NOS3: variants seen among roughly 807,000 people sequenced by gnomAD.
NOS3 encodes nitric oxide synthase 3, also known as NOS type III.
Under a neutral mutation model 144.9 loss-of-function variants are expected in NOS3, and 98 were observed. That is an observed-to-expected ratio of 0.68 (90% CI 0.57 to 0.80). The LOEUF (loss-of-function observed/expected upper bound fraction) is 0.80, where lower values mean the gene tolerates loss of function less well. NOS3 is among the 30% of genes least tolerant of loss of function. The pLI is 0.00. For synonymous variants in NOS3, 714 were observed against 702.4 expected, an observed-to-expected ratio of 1.02 and a Z score of -0.26; for missense variants, 1,465 against 1,656.4, an observed-to-expected ratio of 0.88 and a Z score of 2.01.
chr7:150,999,159 G>A, intron 8 of NOS3, 31 bp from the exon 9 acceptor site: 2 of 1,610,660 alleles, frequency 1.2e-6, no homozygotes, highest in East Asian at 2.2e-5. Context: ...GCCTGCAAGG[G>A]GGTGCTGATC....
Position 151,010,604 on chromosome 7 carries a change from G to C in NOS3, c.2693G>C (p.Arg898Pro), listed in dbSNP as rs749040665. 1.8e-5 allele frequency: 29 copies of C among 1,589,600 alleles called. No individual in the cohort carries two copies. The highest frequency in any genetic ancestry group is 2.4e-5 in the Non-Finnish European group (28 of 1,167,276). ...QELEALSQDP[R>P]RYEEWKWFRC... is the part of the protein sequence containing the mutation. ...TGCATCCTGCCCCGCCAGGATCCCC[G>C]ACGCTACGAGGAGTGGAAGTGGTTC... Residue 898 changes from arginine to proline, a missense_variant, in exon 22 of 27, where the codon CGA becomes CCA. Arg to Pro is a moderately radical substitution (Grantham distance 103, BLOSUM62 -2). Coordinates refer to ENST00000297494, the MANE Select transcript of NOS3 (RefSeq NM_000603.5).
rs767122730 is a variant in NOS3, at chr7:151,010,852, ACCGGCCCCTCT to A, written c.2897-45_2897-35del. 10 of 1,606,418 alleles carry A rather than the reference ACCGGCCCCTCT, an allele frequency of 6.2e-6. No homozygotes were observed. The Admixed American group carries it at 1.3e-4, about 22-fold the overall frequency. ...CAGGCCTGGCCACAGCAGGGTTGGG[ACCGGCCCCTCT>A]CTGGCCCCTCACCGGCCTCTCCTTC... On this transcript the variant is annotated intron_variant, in intron 22 of 26. Transcript: ENST00000297494.
intron 21 of NOS3, 90 bp from the exon 22 acceptor site, chr7:151,010,507 C>T: frequency 7.5e-7 from 1 of 1,325,612 alleles, no homozygotes; most frequent in Non-Finnish European, 1.0e-6. Flanking sequence ...AGGGAGAAAC[C>T]CTAAAGAGGC....
rs367847525 is a variant in NOS3 at position 150,993,310 on chromosome 7, CCCTAGA to C, written c.-51-442_-51-437del. ...GAGGTGAAGGAGAGAACCTGCATGA[CCCTAGA>C]GGTCCCTGTGGTCACTGAGAGTGTG... On this transcript the variant is annotated intron_variant, in intron 1 of 26. Transcript: ENST00000297494. The surrounding 1 kb of genome is among the most constrained non-coding windows in gnomAD (Gnocchi z 4.0). Among the ~76,000 whole-genome samples the C allele has an allele frequency of 5.7e-4, 87 of 152,316 alleles. No individual in the cohort carries two copies. Among genetic ancestry groups the C allele is most frequent in the African/African-American group, 2.1e-3 (86 of 41,560 alleles).
chr7:150,999,385 C>G lies in NOS3; in HGVS notation c.1131+21C>G, dbSNP rs73472532. On this transcript the variant is annotated intron_variant, in intron 9 of 26. Transcript: ENST00000297494. The stretch of plus-strand genomic sequence containing the variant: ...TGGAGGTGAGGTGCGGGATGGGGCT[C>G]GGGCACCGAATGCACCTGTCCAAGG... The G allele has an allele frequency of 1.1e-3, 1,694 of 1,544,106 alleles. 19 individuals are homozygous for G. In the African/African-American group the frequency reaches 0.021, roughly 19 times the overall value.
chr7:151,013,107 C>G (rs935154661), intron 24 of NOS3, 124 bp from the exon 25 acceptor site: 1 of 1,035,086 alleles, frequency 9.7e-7, no homozygotes, highest in African/African-American at 1.6e-5. Flanking sequence ...ATGAAACAGC[C>G]AAAGTAATGG....
rs1199215443 is a variant in NOS3, at chr7:151,009,550, C to T, written c.2477C>T (p.Pro826Leu). 2 of 1,543,858 alleles carry T rather than the reference C, an allele frequency of 1.3e-6. No homozygotes were observed. The highest frequency in any genetic ancestry group is 2.0e-4 in the Middle Eastern group (1 of 5,096). ...RVEDPPAPTE[P>L]VAVEQLEKGS... ...GAGGACCCGCCGGCGCCCACTGAGC[C>T]CGTGGCAGTAGAGCAGCTGGAGAAG... The change falls in exon 20 of 27, where the codon CCC (proline) becomes CTC (leucine). Residue 826 changes from proline to leucine, a missense_variant. Transcript: ENST00000297494.
chr7:151,010,313 A>T lies in NOS3; in HGVS notation c.2685+26A>T, dbSNP rs763721320. The T allele has an allele frequency of 1.9e-6, 3 of 1,590,646 alleles. No individual in the cohort carries two copies. In the East Asian group the frequency reaches 6.7e-5, roughly 36 times the overall value. On this transcript the variant is annotated intron_variant, in intron 21 of 26. Transcript: ENST00000297494. ...GTTGGGGGCCACCCCAATGAGGCAC[A>T]GGGGCTAGAGAGACGGGATGAGCTG...
chr7:150,999,342 C>A lies in NOS3; in HGVS notation c.1109C>A (p.Pro370His). 6.3e-7 allele frequency: 1 copy of A among 1,592,290 alleles called. No homozygotes were observed. The highest frequency in any genetic ancestry group is 8.6e-7 in the Non-Finnish European group (1 of 1,168,634). ...ATCGGCACGAGGAACCTGTGTGACC[C>A]TCACCGCTACAACATCCTGGAGGTG... ...TEIGTRNLCD[P>H]HRYNILEDVA... The change falls in exon 9 of 27, where the codon CCT becomes CAT. Residue 370 changes from proline (P) to histidine (H), a missense_variant. Pro to His is a moderately conservative substitution (Grantham distance 77). Coordinates refer to ENST00000297494, the MANE Select transcript of NOS3 (RefSeq NM_000603.5).
At chr7:151,013,653 A>G (rs1795361838) in intron 25 of NOS3, 71 bp from the exon 26 acceptor site, 2 of 1,335,378 alleles carry the variant, frequency 1.5e-6, no homozygotes, top group Non-Finnish European at 2.0e-6. Flanking sequence ...GTCCAGGGCC[A>G]GCCAGCAGCC....
At position 150,998,811 on chromosome 7, in the gene NOS3, A is replaced by C. The variant is rs35795287; in HGVS notation, c.816+131A>C. ...GATAAAGGATGAAAAACACCAAAGG[A>C]GGGGTGCCTGGGTGGTCACGGAGAC... On this transcript the variant is annotated intron_variant, in intron 7 of 26. Transcript: ENST00000297494. The surrounding 1 kb of genome is among the most constrained non-coding windows in gnomAD (Gnocchi z 5.0). 1.8e-3 allele frequency: 2,685 copies of C among 1,460,868 alleles called. 35 individuals are homozygous for C. The African/African-American group carries it at 0.029, about 16-fold the overall frequency. 90.5% of individuals were successfully genotyped at this position (1,460,868 alleles called of 1,614,324 possible). A position where few individuals can be genotyped will look rare whatever the true frequency, so the allele number is the denominator to read the frequency against.
In NOS3 at chr7:150,998,628, G is replaced by A. The variant is rs41377046; in HGVS notation, c.764G>A (p.Arg255Gln). 1.8e-5 allele frequency: 29 copies of A among 1,609,126 alleles called. No homozygotes were observed. The highest frequency in any genetic ancestry group is 1.6e-4 in the Middle Eastern group (1 of 6,076). The change falls in exon 7 of 27, where the codon CGG (arginine) becomes CAG (glutamine). Residue 255 changes from arginine (R) to glutamine (Q), a missense_variant. Physicochemically the swap from Arg to Gln is conservative, Grantham distance 43. Around this residue, in one of 5 missense-constraint regions of NOS3, gnomAD observed 374 missense variants for 377.0 expected, o/e 0.99. Transcript: ENST00000297494. The surrounding 1 kb of genome is among the most constrained non-coding windows in gnomAD (Gnocchi z 5.0). ...CAGCTGGTGCGCTACGCGGGCTACC[G>A]GCAGCAGGATGGCTCTGTGCGGGGG... is the stretch of plus-strand genomic sequence containing the variant. ...NSQLVRYAGY[R>Q]QQDGSVRGDP...
intron 1 of NOS3, among the ~76,000 whole-genome samples, chr7:150,992,694 T>C (rs3918159): frequency 0.015 from 2,329 of 152,112 alleles, 39 homozygotes; most frequent in African/African-American, 0.053. Context: ...TCTTGTTTGT[T>C]TGTCTGTCTG....
Position 151,002,123 on chromosome 7 carries a change from TGCCAGGGAG to T in NOS3, c.1648-71_1648-63del. 1 of 1,403,060 alleles carries T rather than the reference TGCCAGGGAG, an allele frequency of 7.1e-7. No homozygotes were observed. The highest frequency in any genetic ancestry group is 1.4e-5 in the African/African-American group (1 of 70,246). The allele number at this position is 1,403,060 out of a possible 1,614,324, so 86.9% of individuals were successfully genotyped here. A position where few individuals can be genotyped will look rare whatever the true frequency, so the allele number is the denominator to read the frequency against. On this transcript the variant is annotated intron_variant, in intron 13 of 26. Transcript: ENST00000297494. The surrounding 1 kb of genome is among the most constrained non-coding windows in gnomAD (Gnocchi z 4.1). Reference sequence around the variant, plus strand: ...TCAAGTTGGGGCCTGAATCTTGCACTGCCAGGGAGGCCAGAGTGAGGAGGGCAGGGCCTC... The same window carrying T: ...TCAAGTTGGGGCCTGAATCTTGCACTGCCAGAGTGAGGAGGGCAGGGCCTC...
In NOS3 at chr7:151,002,085, A is replaced by C; in HGVS notation, c.1648-115A>C. On this transcript the variant is annotated intron_variant, in intron 13 of 26. Coordinates refer to ENST00000297494, the MANE Select transcript of NOS3 (RefSeq NM_000603.5). This position sits in a 1 kb window ranked among gnomAD's most constrained non-coding sequence, Gnocchi z 4.1. Reference sequence around the variant, plus strand: ...GGACTCATGAGGAACCCGGAACCACAGGTGTTCAGAGATCAAGTTGGGGCC... The same window carrying C: ...GGACTCATGAGGAACCCGGAACCACCGGTGTTCAGAGATCAAGTTGGGGCC... The C allele has an allele frequency of 7.0e-7, 1 of 1,437,804 alleles. No homozygotes were observed. Among genetic ancestry groups the C allele is most frequent in the Non-Finnish European group, 9.6e-7 (1 of 1,041,650 alleles). 89.1% of individuals were successfully genotyped at this position (1,437,804 alleles called of 1,614,324 possible). A position where few individuals can be genotyped will look rare whatever the true frequency, so the allele number is the denominator to read the frequency against.
intron 21 of NOS3, 65 bp from the exon 22 acceptor site, chr7:151,010,532 G>A (rs1379865389): frequency 6.9e-7 from 1 of 1,442,162 alleles, no homozygotes; most frequent in Non-Finnish European, 9.3e-7. Context: ...TGGGGGAGGG[G>A]TCAAGAAGGG....
In NOS3 at chr7:150,996,492, C is replaced by T; in HGVS notation, c.359C>T (p.Pro120Leu). ...QGRPSPGPPA[P>L]EQLLSQARDF... ...CGGCCCTCCCCCGGCCCCCCGGCCC[C>T]TGAGCAGCTGCTGAGTCAGGCCCGG... The change falls in exon 4 of 27, where the codon CCT (proline) becomes CTT (leucine). Residue 120 changes from proline to leucine, a missense_variant. By Grantham distance (98) the Pro-to-Leu change is moderately conservative. Transcript: ENST00000297494. The T allele has an allele frequency of 1.2e-6, 2 of 1,605,474 alleles. No individual in the cohort carries two copies. The highest frequency in any genetic ancestry group is 1.7e-6 in the Non-Finnish European group (2 of 1,177,592).
chr7:151,010,827 C>A lies in NOS3; in HGVS notation c.2896+20C>A. The A allele has an allele frequency of 6.2e-7, 1 of 1,606,758 alleles. No homozygotes were observed. The highest frequency in any genetic ancestry group is 8.5e-7 in the Non-Finnish European group (1 of 1,176,188). On this transcript the variant is annotated intron_variant, in intron 22 of 26. Transcript: ENST00000297494. Reference sequence around the variant, plus strand: ...CTCAGGGTGAGGCAACAAGCAGGAGCAGGCCTGGCCACAGCAGGGTTGGGA... The same window carrying A: ...CTCAGGGTGAGGCAACAAGCAGGAGAAGGCCTGGCCACAGCAGGGTTGGGA...
intron 16 of NOS3, 28 bp downstream of exon 16, chr7:151,007,033 C>A: frequency 3.7e-6 from 6 of 1,613,688 alleles, no homozygotes; most frequent in Non-Finnish European, 5.1e-6. Context: ...AGGGGTGCAA[C>A]GGGTGGGCAA....
Sources: allele counts gnomAD v4.1 joint callset (sites outside exome capture counted in the v4.1 genomes callset), GRCh38; gene constraint gnomAD v4.1.1; regional missense constraint gnomAD v4.1.1; non-coding constraint Gnocchi (gnomAD v3.1); transcripts MANE v1.5; gene names NCBI Gene and HGNC (gene_info 2026-07-23, HGNC 2026-07-21).